Variants in PPP1R21 observed in about 807,000 individuals in gnomAD.
PPP1R21 encodes protein phosphatase 1 regulatory subunit 21, also known as KLRAQ motif containing 1.
A neutral mutation model predicts 112.8 loss-of-function variants in PPP1R21; 85 were observed. The observed-to-expected ratio is 0.75, with a 90% CI of 0.63 to 0.90. The LOEUF (loss-of-function observed/expected upper bound fraction) is 0.90. PPP1R21 is among the 40% of genes least tolerant of loss of function. The probability of loss-of-function intolerance (pLI) is 0.00; values close to 1 mark genes in which losing one functional copy is unlikely to be tolerated. For synonymous variants in PPP1R21, 381 were observed against 322.3 expected, an observed-to-expected ratio of 1.18 and a Z score of -1.95; for missense variants, 1,199 against 901.5, an observed-to-expected ratio of 1.33 and a Z score of -4.23.
At chr2:48,473,980 T>G (rs942326356) in intron 11 of PPP1R21, among the ~76,000 whole-genome samples, 3 of 152,232 alleles carry the variant, frequency 2.0e-5, no homozygotes, top group African/African-American at 7.2e-5. Flanking sequence ...ATTCTCTTGC[T>G]GGTGTCAGTG....
At chr2:48,487,441 AAACT>A (rs964726314) in intron 14 of PPP1R21, among the ~76,000 whole-genome samples, 3 of 152,130 alleles carry the variant, frequency 2.0e-5, no homozygotes, top group African/African-American at 7.2e-5. Context: ...TTTTCACTAT[AAACT>A]AACTAAAGTG....
chr2:48,504,767 A>G (rs150810003), intron 17 of PPP1R21, among the ~76,000 whole-genome samples: 126 of 152,372 alleles, frequency 8.3e-4, no homozygotes, highest in African/African-American at 2.9e-3. Context: ...ACCTTGAACA[A>G]TAACCAGAAT....
At chr2:48,451,550 G>A (rs537271660) in intron 2 of PPP1R21, among the ~76,000 whole-genome samples, 3 of 152,280 alleles carry the variant, frequency 2.0e-5, no homozygotes, top group Non-Finnish European at 4.4e-5. Flanking sequence ...GTGTTAATCA[G>A]GACACTCTTT....
chr2:48,509,418 T>C (rs1434601688), intron 19 of PPP1R21, among the ~76,000 whole-genome samples: 4 of 151,844 alleles, frequency 2.6e-5, no homozygotes, highest in African/African-American at 7.3e-5. Flanking sequence ...AAAGTTCTTA[T>C]GTAAAGAACG....
intron 15 of PPP1R21, among the ~76,000 whole-genome samples, chr2:48,491,405 C>A (rs1275215873): frequency 1.3e-5 from 2 of 151,968 alleles, no homozygotes; most frequent in Non-Finnish European, 2.9e-5. Flanking sequence ...GTCCCAAGTG[C>A]CTGATAGAGC....
At chr2:48,463,645 G>T (rs1428446872) in intron 7 of PPP1R21, among the ~76,000 whole-genome samples, 1 of 152,122 alleles carries the variant, frequency 6.6e-6, no homozygotes, top group Non-Finnish European at 1.5e-5. Context: ...TTAAGTAATG[G>T]AAGAGACTCA....
At chr2:48,463,801 AG>A (rs1302418429) in intron 7 of PPP1R21, among the ~76,000 whole-genome samples, 1 of 151,832 alleles carries the variant, frequency 6.6e-6, no homozygotes, top group Non-Finnish European at 1.5e-5. Flanking sequence ...AGCTGAGGAA[AG>A]GATATGCAAG....
chr2:48,451,721 G>T (rs973701903), intron 2 of PPP1R21, among the ~76,000 whole-genome samples: 4 of 151,996 alleles, frequency 2.6e-5, no homozygotes, highest in African/African-American at 9.7e-5. Context: ...TTTCTTCTTG[G>T]CCAAGTTTCA....
In PPP1R21 at chr2:48,501,706, A is replaced by T. The variant is rs993289914; in HGVS notation, c.1935+2971A>T. Reference sequence around the variant, plus strand: ...ACGCCTGTTGTCCCAGCTACTCCAGAGGCTGAAGCAGGAGGATTTTTGAGC... The same window carrying T: ...ACGCCTGTTGTCCCAGCTACTCCAGTGGCTGAAGCAGGAGGATTTTTGAGC... On this transcript the variant is annotated intron_variant, in intron 17 of 21. Coordinates refer to ENST00000294952, the MANE Select transcript of PPP1R21 (RefSeq NM_001135629.3). Among the ~76,000 whole-genome samples the T allele has an allele frequency of 4.6e-5, 7 of 152,036 alleles. No homozygotes were observed. In the East Asian group the frequency reaches 1.3e-3, roughly 29 times the overall value.
rs1321619127 is a variant in PPP1R21, at chr2:48,505,641, C to A, written c.1968+45C>A. 4.8e-6 allele frequency: 7 copies of A among 1,473,630 alleles called. No homozygotes were observed. The Admixed American group carries it at 7.9e-5, about 17-fold the overall frequency. The allele number at this position is 1,473,630 out of a possible 1,614,324, so 91.3% of individuals were successfully genotyped here. On this transcript the variant is annotated intron_variant, in intron 18 of 21. Coordinates refer to ENST00000294952, the MANE Select transcript of PPP1R21 (RefSeq NM_001135629.3). ...ATGTTGTTTGTTAGTAAATATCTGG[C>A]AGCATGTTTGTTGACAAAGTCCTGC...
intron 1 of PPP1R21, among the ~76,000 whole-genome samples, chr2:48,447,327 G>T (rs1667291854): frequency 6.6e-6 from 1 of 152,154 alleles, no homozygotes; most frequent in South Asian, 2.1e-4. Flanking sequence ...AGGGTAAAAT[G>T]AATCAGAAAA....
At position 48,460,108 on chromosome 2, in the gene PPP1R21, C is replaced by T; in HGVS notation, c.554C>T (p.Thr185Ile). 6.2e-7 allele frequency: 1 copy of T among 1,614,100 alleles called. No homozygotes were observed. The highest frequency in any genetic ancestry group is 8.5e-7 in the Non-Finnish European group (1 of 1,180,010). ...DKAKLEVKSQ[T>I]LEKEAKECRL... is the part of the protein sequence containing the mutation. ...TCTGAAATTCAGGTGAAATCTCAGACTCTAGAAAAGGAAGCCAAGGAATGT... is the reference window on the plus strand; with the variant it reads ...TCTGAAATTCAGGTGAAATCTCAGATTCTAGAAAAGGAAGCCAAGGAATGT... Residue 185 changes from threonine (T) to isoleucine (I), a missense_variant, in exon 6 of 22, where the codon ACT (threonine) becomes ATT (isoleucine). Transcript: ENST00000294952.
intron 15 of PPP1R21, among the ~76,000 whole-genome samples, chr2:48,493,056 G>C (rs1207278162): frequency 7.6e-5 from 9 of 119,074 alleles, no homozygotes; most frequent in African/African-American, 3.0e-4. Flanking sequence ...TTGCACTATC[G>C]CCCAGGCTGG....
chr2:48,472,175 G>A (rs2103853956), intron 11 of PPP1R21, among the ~76,000 whole-genome samples: 1 of 143,328 alleles, frequency 7.0e-6, no homozygotes, highest in East Asian at 2.0e-4. Flanking sequence ...GGGAGGCGGA[G>A]GTTGCAGTGA....
chr2:48,490,460 C>T (rs531571957), intron 14 of PPP1R21, among the ~76,000 whole-genome samples: 8 of 152,092 alleles, frequency 5.3e-5, no homozygotes, highest in Non-Finnish European at 1.0e-4. Context: ...AGTGATAGAT[C>T]TTTGTGGCTG....
chr2:48,481,602 G>A (rs1391930627), intron 13 of PPP1R21, among the ~76,000 whole-genome samples: 1 of 152,130 alleles, frequency 6.6e-6, no homozygotes, highest in African/African-American at 2.4e-5. Flanking sequence ...TGCTGGCTGG[G>A]TGCAATAGCT....
Position 48,507,749 on chromosome 2 carries a change from C to CTTTTTTTTTTTTTTTTTTTTTT in PPP1R21, c.2085+377_2085+398dup, listed in dbSNP as rs34546075. On this transcript the variant is annotated intron_variant, in intron 19 of 21. Coordinates refer to ENST00000294952, the MANE Select transcript of PPP1R21 (RefSeq NM_001135629.3). Reference sequence around the variant, plus strand: ...AAGACTGATTTGAGTGAGGCTCTGCCTTTTTTTTTTTTTTTTTTTTTTTTT... The same window carrying CTTTTTTTTTTTTTTTTTTTTTT: ...AAGACTGATTTGAGTGAGGCTCTGCCTTTTTTTTTTTTTTTTTTTTTTTTTTTTTTTTTTTTTTTTTTTTTTT... 4.7e-5 allele frequency among the ~76,000 whole-genome samples: 2 copies of CTTTTTTTTTTTTTTTTTTTTTT among 42,392 alleles called. 1 individual carries two copies. Among genetic ancestry groups the CTTTTTTTTTTTTTTTTTTTTTT allele is most frequent in the African/African-American group, 2.0e-4 (2 of 9,802 alleles). The allele number at this position is 42,392 out of a possible 152,430, so 27.8% of individuals were successfully genotyped here.
intron 12 of PPP1R21, 30 bp from the exon 13 acceptor site, chr2:48,479,894 A>G (rs1668930367): frequency 7.2e-7 from 1 of 1,385,078 alleles, no homozygotes; most frequent in African/African-American, 1.4e-5. Flanking sequence ...TTTCAGGAAA[A>G]TGCTTAGATT....
chr2:48,495,468 C>T (rs1365069976), intron 15 of PPP1R21, among the ~76,000 whole-genome samples: 1 of 152,160 alleles, frequency 6.6e-6, no homozygotes, highest in Non-Finnish European at 1.5e-5. Context: ...TCCCAAAGTG[C>T]TGGGATTATA....
Sources: gnomAD v4.1 joint callset for allele counts (sites outside exome capture counted in the v4.1 genomes callset) on GRCh38, gnomAD v4.1.1 for gene constraint, MANE v1.5 for transcripts, NCBI Gene and HGNC (gene_info 2026-07-23, HGNC 2026-07-21) for gene names.